The following PRKN variants were observed in gnomAD, a reference collection of about 807,000 sequenced individuals.
PRKN encodes the protein parkin RBR E3 ubiquitin protein ligase, also known as E3 ubiquitin-protein ligase parkin.
Under a neutral mutation model 59.5 loss-of-function variants are expected in PRKN, and 56 were observed. The observed-to-expected ratio is 0.94, with a 90% CI of 0.76 to 1.18. The LOEUF is 1.18. Ranked by LOEUF, PRKN falls within the 50% of genes most tolerant of loss-of-function variation. The pLI is 0.00. For missense variants in PRKN, 657 were observed against 596.4 expected, an observed-to-expected ratio of 1.10 and a Z score of -1.06; for synonymous variants, 250 against 222.1, an observed-to-expected ratio of 1.13 and a Z score of -1.12.
At chr6:162,624,184 G>T (rs1037483884) in intron 1 of PRKN, among the ~76,000 whole-genome samples, 15 of 150,128 alleles carry the variant, frequency 1.0e-4, no homozygotes, top group Non-Finnish European at 1.9e-4. Context: ...GGAGGCGGAG[G>T]TTGCAGTGAG....
chr6:161,542,466 A>G (rs1448978521), intron 9 of PRKN, among the ~76,000 whole-genome samples: 1 of 152,242 alleles, frequency 6.6e-6, no homozygotes, highest in Admixed American at 6.5e-5. Flanking sequence ...ATTTGTGAAC[A>G]GTTTCTTTAA....
At chr6:162,618,424 ACT>A (rs1414546944) in intron 1 of PRKN, among the ~76,000 whole-genome samples, 1 of 151,990 alleles carries the variant, frequency 6.6e-6, no homozygotes, top group Admixed American at 6.6e-5. Context: ...ATCACCAATG[ACT>A]CTGTTTATAA....
At chr6:162,470,698 T>C (rs1219527516) in intron 1 of PRKN, among the ~76,000 whole-genome samples, 3 of 152,218 alleles carry the variant, frequency 2.0e-5, no homozygotes, top group Non-Finnish European at 4.4e-5. Flanking sequence ...GGTGCTAGTT[T>C]GAGGCAAAGC....
At chr6:162,475,576 T>C (rs984013449) in intron 1 of PRKN, among the ~76,000 whole-genome samples, 7 of 108,176 alleles carry the variant, frequency 6.5e-5, no homozygotes, top group Admixed American at 1.8e-4. Flanking sequence ...TGAGTGTGTG[T>C]GTGCATGAGT....
intron 1 of PRKN, among the ~76,000 whole-genome samples, chr6:162,603,440 A>G (rs559046580): frequency 6.6e-6 from 1 of 152,268 alleles, no homozygotes; most frequent in Admixed American, 6.5e-5. Flanking sequence ...GCTGGAACCC[A>G]GTCCCACCCG....
chr6:161,777,222 C>T (rs900675592), intron 7 of PRKN, among the ~76,000 whole-genome samples: 42 of 152,066 alleles, frequency 2.8e-4, no homozygotes, highest in African/African-American at 9.4e-4. Context: ...TTATAGTAAG[C>T]GCTCATTAAT....
rs1322288039 is a variant in PRKN at position 161,463,925 on chromosome 6, A to G, written c.1084-77048T>C. On this transcript the variant is annotated intron_variant, in intron 9 of 11. Transcript: ENST00000366898. This position sits in a 1 kb window ranked among gnomAD's most constrained non-coding sequence, Gnocchi z 4.8. ...CCATAGAGCTAGGATGGTAGACATC[A>G]ACATACAGAGACCTTTAGGGTTTTT... 1.3e-5 allele frequency among the ~76,000 whole-genome samples: 2 copies of G among 152,222 alleles called. No individual in the cohort carries two copies. Among genetic ancestry groups the G allele is most frequent in the African/African-American group, 4.8e-5 (2 of 41,462 alleles).
chr6:161,478,771 C>T (rs974296654), intron 9 of PRKN, among the ~76,000 whole-genome samples: 29 of 152,276 alleles, frequency 1.9e-4, no homozygotes, highest in African/African-American at 7.0e-4. Flanking sequence ...ACGTGAGCCT[C>T]GGAGGTTGAG....
At chr6:161,653,091 C>T (rs1009673046) in intron 7 of PRKN, among the ~76,000 whole-genome samples, 10 of 152,060 alleles carry the variant, frequency 6.6e-5, no homozygotes, top group Admixed American at 4.6e-4. Context: ...TGGCTGGGCG[C>T]GGTGGCTTAT....
chr6:161,921,414 G>A (rs767331982), intron 6 of PRKN, among the ~76,000 whole-genome samples: 3 of 152,106 alleles, frequency 2.0e-5, no homozygotes, highest in African/African-American at 4.8e-5. Flanking sequence ...GCAATAAAAA[G>A]TATACAATAT....
At position 161,396,808 on chromosome 6, in the gene PRKN, C is replaced by T. The variant is rs188963852; in HGVS notation, c.1084-9931G>A. On this transcript the variant is annotated intron_variant, in intron 9 of 11. Transcript: ENST00000366898. This position sits in a 1 kb window ranked among gnomAD's most constrained non-coding sequence, Gnocchi z 5.4. ...GGAGGCGAAATGCTTTCCCTGAATA[C>T]CTGGGCCCGCCCTGGGCAACTTGGG... Among the ~76,000 whole-genome samples the T allele has an allele frequency of 6.6e-5, 10 of 152,304 alleles. No homozygotes were observed. In the East Asian group the frequency reaches 1.9e-3, roughly 29 times the overall value.
chr6:162,072,467 A>G (rs1243440727), intron 4 of PRKN, among the ~76,000 whole-genome samples: 1 of 152,144 alleles, frequency 6.6e-6, no homozygotes, highest in Non-Finnish European at 1.5e-5. Context: ...AAAATTCCAC[A>G]AGCCCTGAGC....
At chr6:162,679,964 A>AT (rs1203993343) in intron 1 of PRKN, among the ~76,000 whole-genome samples, 1 of 152,124 alleles carries the variant, frequency 6.6e-6, no homozygotes, top group Non-Finnish European at 1.5e-5. Context: ...TCCCTTGCTC[A>AT]TTGTTTGGGT....
At chr6:162,672,054 G>A (rs2128230422) in intron 1 of PRKN, among the ~76,000 whole-genome samples, 1 of 152,194 alleles carries the variant, frequency 6.6e-6, no homozygotes, top group African/African-American at 2.4e-5. Context: ...GGAAGCTCCA[G>A]AAATCAGGCA....
chr6:162,128,520 G>A (rs11752210), intron 4 of PRKN, among the ~76,000 whole-genome samples: 31,761 of 152,022 alleles, frequency 0.21, 3,651 homozygotes, highest in Non-Finnish European at 0.26. Flanking sequence ...AGCACCAGCC[G>A]ACTGTACAAT....
chr6:162,404,089 T>A (rs771154628), intron 2 of PRKN, among the ~76,000 whole-genome samples: 2 of 152,134 alleles, frequency 1.3e-5, no homozygotes, highest in African/African-American at 2.4e-5. Context: ...TAATCCTTTT[T>A]GGCCGGGTGC....
At chr6:162,562,301 G>A (rs1447026094) in intron 1 of PRKN, among the ~76,000 whole-genome samples, 1 of 152,150 alleles carries the variant, frequency 6.6e-6, no homozygotes, top group Admixed American at 6.5e-5. Flanking sequence ...GCAATATCCA[G>A]GTACCACGTC....
intron 3 of PRKN, among the ~76,000 whole-genome samples, chr6:162,206,935 T>A (rs1784970927): frequency 6.6e-6 from 1 of 152,222 alleles, no homozygotes; most frequent in Non-Finnish European, 1.5e-5. Flanking sequence ...GAACCCACTT[T>A]TCTTCATGTT....
chr6:162,442,204 A>G (rs1006354083), intron 2 of PRKN, among the ~76,000 whole-genome samples: 2 of 152,200 alleles, frequency 1.3e-5, no homozygotes, highest in African/African-American at 2.4e-5. Flanking sequence ...AGAGCATTTT[A>G]CAAAGCCATA....
Sources: allele counts gnomAD v4.1 joint callset (sites outside exome capture counted in the v4.1 genomes callset), GRCh38; gene constraint gnomAD v4.1.1; non-coding constraint Gnocchi (gnomAD v3.1); transcripts MANE v1.5; gene names NCBI Gene and HGNC (gene_info 2026-07-23, HGNC 2026-07-21).